KIF13A: variants seen among roughly 807,000 people sequenced by gnomAD.
KIF13A encodes kinesin family member 13A.
In KIF13A, 79 loss-of-function variants were observed where a neutral mutation model predicts 212.2. The observed-to-expected ratio is 0.37, with a 90% CI of 0.31 to 0.45. The LOEUF (loss-of-function observed/expected upper bound fraction) is 0.45. KIF13A is among the 20% of genes least tolerant of loss of function. KIF13A has a pLI of 1.00. For synonymous variants in KIF13A, 789 were observed against 808.6 expected, an observed-to-expected ratio of 0.98 and a Z score of 0.41; for missense variants, 1,901 against 2,209.0, an observed-to-expected ratio of 0.86 and a Z score of 2.79.
chr6:17,762,213 ATTTT>A (rs34052352), downstream of KIF13A, among the ~76,000 whole-genome samples: 3 of 138,810 alleles, frequency 2.2e-5, no homozygotes, highest in Admixed American at 1.5e-4. Flanking sequence ...GTGAATTTGA[ATTTT>A]TTTTTTTTTT....
rs936236553 is a variant in KIF13A at position 17,841,546 on chromosome 6, G to A, written c.831-3963C>T. ...TTTCTCCCCTACATCAGTATAGCATGTAAGCAGCAGCAGCAGAGGGGTGGA... is the reference window on the plus strand; with the variant it reads ...TTTCTCCCCTACATCAGTATAGCATATAAGCAGCAGCAGCAGAGGGGTGGA... On this transcript the variant is annotated intron_variant, in intron 9 of 38. Coordinates refer to ENST00000259711, the MANE Select transcript of KIF13A (RefSeq NM_022113.6). Among the ~76,000 whole-genome samples the A allele has an allele frequency of 2.6e-5, 4 of 152,302 alleles. No homozygotes were observed. The South Asian group carries it at 8.3e-4, about 32-fold the overall frequency.
chr6:17,804,289 G>T (rs1762741528), intron 20 of KIF13A, 72 bp downstream of exon 20: 2 of 1,356,628 alleles, frequency 1.5e-6, no homozygotes, highest in Non-Finnish European at 2.0e-6. Flanking sequence ...AGCTTAAATA[G>T]AATGAAAAAC....
intron 2 of KIF13A, among the ~76,000 whole-genome samples, chr6:17,922,963 T>C (rs181241250): frequency 1.3e-5 from 2 of 151,958 alleles, no homozygotes; most frequent in East Asian, 1.9e-4. Context: ...CCTTCATATA[T>C]ATTCCACAAT....
intron 25 of KIF13A, among the ~76,000 whole-genome samples, chr6:17,792,306 T>C (rs1761659200): frequency 6.6e-6 from 1 of 152,100 alleles, no homozygotes; most frequent in South Asian, 2.1e-4. Context: ...GGTCACAGTT[T>C]GGAGCACACA....
At position 17,825,703 on chromosome 6, in the gene KIF13A, C is replaced by T; in HGVS notation, c.1786+65G>A. ...GGAATGACACCTGATGCATGCTTAT[C>T]CCTCACTGAATGGTGTGAGGTGAGG... On this transcript the variant is annotated intron_variant, in intron 16 of 38. Transcript: ENST00000259711. This position sits in a 1 kb window ranked among gnomAD's most constrained non-coding sequence, Gnocchi z 4.5. The T allele has an allele frequency of 7.2e-7, 1 of 1,395,430 alleles. No individual in the cohort carries two copies. The highest frequency in any genetic ancestry group is 1.3e-5 in the South Asian group (1 of 77,718). The allele number at this position is 1,395,430 out of a possible 1,614,324, so 86.4% of individuals were successfully genotyped here.
At chr6:17,932,264 A>G (rs1050388565) in intron 2 of KIF13A, among the ~76,000 whole-genome samples, 1 of 152,202 alleles carries the variant, frequency 6.6e-6, no homozygotes, top group Non-Finnish European at 1.5e-5. Context: ...TATTTTGAAA[A>G]TCACCTAAAT....
chr6:17,813,932 T>A (rs1763665094), intron 17 of KIF13A, among the ~76,000 whole-genome samples: 1 of 150,056 alleles, frequency 6.7e-6, no homozygotes, highest in African/African-American at 2.5e-5. Context: ...AAATGGTCTA[T>A]AGATGTAAGG....
intron 6 of KIF13A, among the ~76,000 whole-genome samples, chr6:17,852,744 G>A (rs1348459015): frequency 1.3e-5 from 2 of 152,190 alleles, no homozygotes; most frequent in Admixed American, 1.3e-4. Context: ...CTAGTAGACA[G>A]TATTAAAACA....
chr6:17,975,473 T>C (rs1358420567), intron 2 of KIF13A, among the ~76,000 whole-genome samples: 2 of 152,138 alleles, frequency 1.3e-5, no homozygotes, highest in African/African-American at 4.8e-5. Context: ...CCTTCAGCGG[T>C]GAGCGTTACA....
At position 17,900,628 on chromosome 6, in the gene KIF13A, G is replaced by A. The variant is rs912238469; in HGVS notation, c.147-2448C>T. Among the ~76,000 whole-genome samples, 2 of 152,106 alleles carry A rather than the reference G, an allele frequency of 1.3e-5. No homozygotes were observed. Among genetic ancestry groups the A allele is most frequent in the Admixed American group, 6.5e-5 (1 of 15,286 alleles). On this transcript the variant is annotated intron_variant, in intron 2 of 38. Coordinates refer to ENST00000259711, the MANE Select transcript of KIF13A (RefSeq NM_022113.6). This position sits in a 1 kb window ranked among gnomAD's most constrained non-coding sequence, Gnocchi z 4.6. Reference sequence around the variant, plus strand: ...AAGGACCCTTGCTACAGAAGGAAAAGTAAACCCTGTAGTGCATCATCACTG... The same window carrying A: ...AAGGACCCTTGCTACAGAAGGAAAAATAAACCCTGTAGTGCATCATCACTG...
intron 7 of KIF13A, among the ~76,000 whole-genome samples, chr6:17,851,526 G>C (rs188180980): frequency 2.6e-5 from 4 of 152,120 alleles, no homozygotes; most frequent in Non-Finnish European, 5.9e-5. Flanking sequence ...AAAACAGGCC[G>C]GTCAATGGCA....
At chr6:17,986,669 A>G (rs1781579162) in intron 2 of KIF13A, among the ~76,000 whole-genome samples, 1 of 152,262 alleles carries the variant, frequency 6.6e-6, no homozygotes, top group South Asian at 2.1e-4. Flanking sequence ...AATCACGGAC[A>G]CTGGGTTCCA....
At chr6:17,796,543 C>CT (rs112059351) in intron 23 of KIF13A, 126 bp downstream of exon 23, 110,290 of 471,752 alleles carry the variant, frequency 0.23, 5,717 homozygotes, top group South Asian at 0.3. Flanking sequence ...CCTGGCCATT[C>CT]TTTTTTTTTT....
chr6:17,798,799 C>T (rs1382023589), intron 22 of KIF13A, among the ~76,000 whole-genome samples: 1 of 152,222 alleles, frequency 6.6e-6, no homozygotes, highest in East Asian at 1.9e-4. Flanking sequence ...CTATATGAAA[C>T]ATATCACTCA....
At chr6:17,835,424 T>A (rs976414271) in intron 11 of KIF13A, among the ~76,000 whole-genome samples, 2 of 152,134 alleles carry the variant, frequency 1.3e-5, no homozygotes, top group Non-Finnish European at 2.9e-5. Flanking sequence ...ATCATGACTA[T>A]TTTCAAGGTT....
At position 17,852,001 on chromosome 6, in the gene KIF13A, C is replaced by A; in HGVS notation, c.536G>T (p.Gly179Val). ...TTGAGATAAACCATCTACATATGGTCCCAAAACTTTATGTTCTCGAACTTT... is the reference window on the plus strand; with the variant it reads ...TTGAGATAAACCATCTACATATGGTACCAAAACTTTATGTTCTCGAACTTT... Reference protein sequence around the residue: ...SLKVREHKVLGPYVDGLSQLA... With the variant: ...SLKVREHKVLVPYVDGLSQLA... Residue 179 changes from glycine (G) to valine (V), a missense_variant, in exon 7 of 39, where the codon GGA becomes GTA. By Grantham distance (109) the Gly-to-Val change is moderately radical. Transcript: ENST00000259711. The A allele has an allele frequency of 6.4e-7, 1 of 1,557,012 alleles. No individual in the cohort carries two copies. The highest frequency in any genetic ancestry group is 8.7e-7 in the Non-Finnish European group (1 of 1,155,006).
chr6:17,987,001 C>T lies in KIF13A; in HGVS notation c.146+53G>A, dbSNP rs1014999752. On this transcript the variant is annotated intron_variant, in intron 2 of 38. Coordinates refer to ENST00000259711, the MANE Select transcript of KIF13A (RefSeq NM_022113.6). The surrounding 1 kb of genome is among the most constrained non-coding windows in gnomAD (Gnocchi z 7.7). ...CTCCCATTTTCCTGGCTCAAACTTGCGGGACCCCGCGAGGCTGGATCCTCC... is the reference window on the plus strand; with the variant it reads ...CTCCCATTTTCCTGGCTCAAACTTGTGGGACCCCGCGAGGCTGGATCCTCC... 174 of 1,378,954 alleles carry T rather than the reference C, an allele frequency of 1.3e-4. No individual in the cohort carries two copies. The highest frequency in any genetic ancestry group is 1.7e-4 in the Non-Finnish European group (167 of 968,088). 85.4% of individuals were successfully genotyped at this position (1,378,954 alleles called of 1,614,324 possible).
Position 17,773,567 on chromosome 6 carries a change from T to C in KIF13A, c.4235A>G (p.Gln1412Arg), listed in dbSNP as rs771426174. 2 of 1,607,982 alleles carry C rather than the reference T, an allele frequency of 1.2e-6. No individual in the cohort carries two copies. The highest frequency in any genetic ancestry group is 1.7e-5 in the Admixed American group (1 of 59,860). Residue 1412 changes from glutamine (Q) to arginine (R), a missense_variant, in exon 36 of 39, where the codon CAG becomes CGG. This residue lies in a region of KIF13A where 687 missense variants were observed against 759.1 expected (regional missense o/e 0.90). Transcript: ENST00000259711. The surrounding 1 kb of genome is among the most constrained non-coding windows in gnomAD (Gnocchi z 4.2). The part of the protein sequence containing the change: ...DEDDKGWPEN[Q>R]LDMSDYSSSY... ...GGAGCTATAGTCAGACATGTCCAAC[T>C]GGTTCTCTGGCCAACCCTACAAGGT...
At chr6:17,760,682 C>A, downstream of KIF13A, 1 of 620,008 alleles carries the variant, frequency 1.6e-6, no homozygotes, top group East Asian at 2.8e-5. Flanking sequence ...GCCGCTTCTC[C>A]CACTGGGGAG....
Sources: gnomAD v4.1 joint callset for allele counts (sites outside exome capture counted in the v4.1 genomes callset) on GRCh38, gnomAD v4.1.1 for gene constraint, gnomAD v4.1.1 regional missense constraint, Gnocchi (gnomAD v3.1) non-coding constraint, MANE v1.5 for transcripts, NCBI Gene and HGNC (gene_info 2026-07-23, HGNC 2026-07-21) for gene names.